TMTC2: variants seen among roughly 807,000 people sequenced by gnomAD.
TMTC2 encodes protein O-mannosyl-transferase TMTC2.
In TMTC2, 43 loss-of-function variants were observed where a neutral mutation model predicts 82.4. The observed-to-expected ratio is 0.52, with a 90% CI of 0.41 to 0.67. TMTC2 has a LOEUF of 0.67. Ranked by LOEUF, TMTC2 falls within the 30% of genes least tolerant of loss-of-function variation. TMTC2 has a pLI of 0.00. For missense variants in TMTC2, 919 were observed against 1,012.4 expected (o/e 0.91, Z 1.25); for synonymous variants, 408 against 381.9 (o/e 1.07, Z -0.80).
intron 11 of TMTC2, among the ~76,000 whole-genome samples, chr12:83,127,655 C>T (rs553697816): frequency 6.6e-6 from 1 of 152,220 alleles, no homozygotes; most frequent in East Asian, 1.9e-4. Flanking sequence ...TCTTTCCAAT[C>T]CTACATGATA....
intron 7 of TMTC2, among the ~76,000 whole-genome samples, chr12:82,967,798 A>G (rs527914852): frequency 8.5e-5 from 13 of 152,270 alleles, no homozygotes; most frequent in African/African-American, 3.1e-4. Context: ...CATAAATTGT[A>G]AAGTCAAATT....
At chr12:82,936,289 G>C (rs536919530) in intron 4 of TMTC2, among the ~76,000 whole-genome samples, 2 of 152,152 alleles carry the variant, frequency 1.3e-5, no homozygotes, top group Admixed American at 6.5e-5. Context: ...AATCTTCGAT[G>C]AAGTGATATT....
At chr12:82,788,270 T>C (rs1277129707) in intron 1 of TMTC2, among the ~76,000 whole-genome samples, 1 of 152,174 alleles carries the variant, frequency 6.6e-6, no homozygotes, top group Non-Finnish European at 1.5e-5. Context: ...ATATACCTTC[T>C]GACCCTTTAT....
chr12:82,960,114 G>A (rs1043328534), intron 4 of TMTC2, among the ~76,000 whole-genome samples: 11 of 152,044 alleles, frequency 7.2e-5, no homozygotes, highest in African/African-American at 2.2e-4. Flanking sequence ...AAACCACAGT[G>A]AGATACCATC....
chr12:83,073,781 GA>G (rs1237445276), intron 11 of TMTC2, among the ~76,000 whole-genome samples: 2 of 152,138 alleles, frequency 1.3e-5, no homozygotes, highest in South Asian at 4.2e-4. Context: ...AGAATTTCCA[GA>G]GCATTTTTCA....
At chr12:83,080,566 G>T (rs1211107823) in intron 11 of TMTC2, among the ~76,000 whole-genome samples, 1 of 152,082 alleles carries the variant, frequency 6.6e-6, no homozygotes, top group Non-Finnish European at 1.5e-5. Flanking sequence ...GGAGAAACAG[G>T]TAATGCAGTT....
chr12:83,062,263 A>G (rs1475632202), intron 11 of TMTC2, among the ~76,000 whole-genome samples: 1 of 151,748 alleles, frequency 6.6e-6, no homozygotes, highest in Non-Finnish European at 1.5e-5. Flanking sequence ...CACAGCCCTC[A>G]TTTCTAATAA....
At chr12:82,706,314 A>G (rs1873350933) in intron 1 of TMTC2, among the ~76,000 whole-genome samples, 1 of 111,070 alleles carries the variant, frequency 9.0e-6, no homozygotes, top group Non-Finnish European at 1.9e-5. Context: ...ACAAAGCAAG[A>G]GTCCATCTCA....
intron 8 of TMTC2, among the ~76,000 whole-genome samples, chr12:83,029,561 A>G (rs17740709): frequency 0.19 from 28,233 of 152,176 alleles, 2,675 homozygotes; most frequent in Middle Eastern, 0.25. Context: ...TAGAGAGTAT[A>G]TAAATTAGGA....
chr12:82,965,061 G>C lies in TMTC2; in HGVS notation c.1636G>C (p.Ala546Pro). The change falls in exon 5 of 12, where the codon GCA becomes CCA. Residue 546 changes from alanine (A) to proline (P), a missense_variant. Ala to Pro is a conservative substitution (Grantham distance 27). Transcript: ENST00000321196. ...CCAGGAGAACAGCAGGTTTGCAGAA[G>C]CACTACATTATTATAAATTGGCCAT... ...LLQENSRFAEALHYYKLAIGS... is the reference protein window; with the variant it reads ...LLQENSRFAEPLHYYKLAIGS... 1 of 1,612,550 alleles carries C rather than the reference G, an allele frequency of 6.2e-7. No homozygotes were observed. The highest frequency in any genetic ancestry group is 1.3e-5 in the African/African-American group (1 of 74,936).
At chr12:82,942,343 G>T (rs1456202465) in intron 4 of TMTC2, among the ~76,000 whole-genome samples, 1 of 152,092 alleles carries the variant, frequency 6.6e-6, no homozygotes, top group Non-Finnish European at 1.5e-5. Flanking sequence ...ATGTTTCCTG[G>T]TTCTTAAAAT....
intron 4 of TMTC2, among the ~76,000 whole-genome samples, chr12:82,957,889 A>C (rs1390441793): frequency 6.6e-6 from 1 of 152,094 alleles, no homozygotes; most frequent in African/African-American, 2.4e-5. Flanking sequence ...CAAAAAACAA[A>C]AACTTACCTA....
At chr12:82,816,905 A>AATAT (rs1565763026) in intron 1 of TMTC2, among the ~76,000 whole-genome samples, 1 of 152,090 alleles carries the variant, frequency 6.6e-6, no homozygotes, top group African/African-American at 2.4e-5. Context: ...GGTGAAAGAG[A>AATAT]ATATAGCACA....
Position 82,896,338 on chromosome 12 carries a change from A to G in TMTC2, c.1175A>G (p.Asn392Ser). Residue 392 changes from asparagine (N) to serine (S), a missense_variant, in exon 3 of 12, where the codon AAC (asparagine) becomes AGC (serine). Coordinates refer to ENST00000321196, the MANE Select transcript of TMTC2 (RefSeq NM_152588.3). ...SQRTQLPSTENIVVLSLSLLI... is the reference protein window; with the variant it reads ...SQRTQLPSTESIVVLSLSLLI... ...AGAACCCAGCTTCCTTCTACGGAGA[A>G]CATTGTTGTTCTGTCTTTATCTTTG... 6.2e-7 allele frequency: 1 copy of G among 1,614,170 alleles called. No homozygotes were observed. Among genetic ancestry groups the G allele is most frequent in the South Asian group, 1.1e-5 (1 of 91,078 alleles).
At chr12:83,000,729 CCA>C (rs1879883325) in intron 8 of TMTC2, among the ~76,000 whole-genome samples, 1 of 152,192 alleles carries the variant, frequency 6.6e-6, no homozygotes. Flanking sequence ...GACTCTGACC[CCA>C]CATTTCTCTT....
chr12:82,968,565 A>G (rs1181972644), intron 7 of TMTC2, among the ~76,000 whole-genome samples: 4 of 152,154 alleles, frequency 2.6e-5, no homozygotes, highest in Non-Finnish European at 4.4e-5. Context: ...ATCAAATAAG[A>G]CATTTTTCTT....
rs1871316511 is a variant in TMTC2 at position 82,857,411 on chromosome 12, G to A, written c.485G>A (p.Arg162Lys). The A allele has an allele frequency of 6.2e-7, 1 of 1,614,206 alleles. No individual in the cohort carries two copies. Among genetic ancestry groups the A allele is most frequent in the Non-Finnish European group, 8.5e-7 (1 of 1,180,046 alleles). The stretch of plus-strand genomic sequence containing the variant: ...TGCTACATTAAACACTGTTCTACAA[G>A]AGGCTACTCAGCCAGAACCTGGGGC... ...LLCYIKHCSTRGYSARTWGWF... is the reference protein window; with the variant it reads ...LLCYIKHCSTKGYSARTWGWF... Residue 162 changes from arginine (R) to lysine (K), a missense_variant, in exon 2 of 12, where the codon AGA becomes AAA. Arg to Lys is a conservative substitution (Grantham distance 26). Transcript: ENST00000321196.
chr12:82,757,064 A>G (rs910886160), intron 1 of TMTC2, among the ~76,000 whole-genome samples: 2 of 152,186 alleles, frequency 1.3e-5, no homozygotes, highest in Admixed American at 6.6e-5. Flanking sequence ...CAGATTTGAC[A>G]TGACTTTCAC....
intron 1 of TMTC2, among the ~76,000 whole-genome samples, chr12:82,779,581 T>C (rs890201496): frequency 6.6e-6 from 1 of 152,152 alleles, no homozygotes. Context: ...ACAATTTAAC[T>C]TAGTGTAGCT....
Sources: allele counts gnomAD v4.1 joint callset (sites outside exome capture counted in the v4.1 genomes callset), GRCh38; gene constraint gnomAD v4.1.1; transcripts MANE v1.5; gene names NCBI Gene and HGNC (gene_info 2026-07-23, HGNC 2026-07-21).